Variants in SV2B observed in about 807,000 individuals in gnomAD.
SV2B encodes solute carrier family 22 member B2.
SV2B carries 41 observed loss-of-function variants against 73.9 expected under a neutral mutation model. The ratio of observed to expected loss-of-function variants is 0.56; its 90% CI spans 0.43 to 0.72. The LOEUF (loss-of-function observed/expected upper bound fraction) is 0.72. Ranked by LOEUF, SV2B falls within the 30% of genes least tolerant of loss-of-function variation. The pLI is 0.00. For missense variants in SV2B, 764 were observed against 857.8 expected (o/e 0.89, Z 1.37); for synonymous variants, 314 against 314.2 (o/e 1.00, Z 0.01).
chr15:91,169,752 G>A (rs576770796), intron 1 of SV2B, among the ~76,000 whole-genome samples: 5 of 152,224 alleles, frequency 3.3e-5, no homozygotes, highest in Admixed American at 1.3e-4. Flanking sequence ...AATGGGTAGC[G>A]GCGGAAGGGT....
rs560573062 is a variant in SV2B, at chr15:91,124,248, A to T, written c.-392+23885A>T. Among the ~76,000 whole-genome samples the T allele has an allele frequency of 5.9e-5, 9 of 152,280 alleles. No individual in the cohort carries two copies. The highest frequency in any genetic ancestry group is 2.2e-4 in the African/African-American group (9 of 41,554). On this transcript the variant is annotated intron_variant, in intron 1 of 12. Transcript: ENST00000394232. This position sits in a 1 kb window ranked among gnomAD's most constrained non-coding sequence, Gnocchi z 4.6. ...GTTCATGCTATTTATTCCCTCGGGG[A>T]AGTCACGAATCTGTCATTTGCGATT...
chr15:91,110,397 C>A lies in SV2B; in HGVS notation c.-392+10034C>A, dbSNP rs2042003623. Among the ~76,000 whole-genome samples the A allele has an allele frequency of 6.6e-6, 1 of 152,156 alleles. No individual in the cohort carries two copies. Among genetic ancestry groups the A allele is most frequent in the Admixed American group, 6.5e-5 (1 of 15,272 alleles). ...CCTCTGAAATGGCACAACTAGTTCTCCCAAGCAGGTGAGAGCCTGGTTAGG... is the reference window on the plus strand; with the variant it reads ...CCTCTGAAATGGCACAACTAGTTCTACCAAGCAGGTGAGAGCCTGGTTAGG... On this transcript the variant is annotated intron_variant, in intron 1 of 12. Coordinates refer to ENST00000394232, the MANE Select transcript of SV2B (RefSeq NM_001323032.3). The surrounding 1 kb of genome is among the most constrained non-coding windows in gnomAD (Gnocchi z 5.4).
In SV2B at chr15:91,271,585, C is replaced by A. The variant is rs532050924; in HGVS notation, c.1373+2980C>A. On this transcript the variant is annotated intron_variant, in intron 9 of 12. Coordinates refer to ENST00000394232, the MANE Select transcript of SV2B (RefSeq NM_001323032.3). Reference sequence around the variant, plus strand: ...CATCATATGGTACATGTTTTTTAACCAACAGACACTAAACCTATACCCACT... The same window carrying A: ...CATCATATGGTACATGTTTTTTAACAAACAGACACTAAACCTATACCCACT... Among the ~76,000 whole-genome samples, 12 of 152,078 alleles carry A rather than the reference C, an allele frequency of 7.9e-5. No homozygotes were observed. The East Asian group carries it at 2.3e-3, about 29-fold the overall frequency.
At chr15:91,222,536 A>G (rs7496780) in intron 1 of SV2B, among the ~76,000 whole-genome samples, 50,221 of 152,094 alleles carry the variant, frequency 0.33, 10,150 homozygotes, top group East Asian at 0.58. Flanking sequence ...ATCCCAGGAC[A>G]TGTTTGTTGA....
At chr15:91,218,821 C>G (rs1423855764) in intron 1 of SV2B, among the ~76,000 whole-genome samples, 2 of 152,194 alleles carry the variant, frequency 1.3e-5, no homozygotes, top group African/African-American at 2.4e-5. Flanking sequence ...AAAGGGACCA[C>G]CAGATGTGCT....
At position 91,202,477 on chromosome 15, in the gene SV2B, G is replaced by A. The variant is rs532151110; in HGVS notation, c.-391-23396G>A. On this transcript the variant is annotated intron_variant, in intron 1 of 12. Coordinates refer to ENST00000394232, the MANE Select transcript of SV2B (RefSeq NM_001323032.3). ...TTCACAAGATCTCCTAAGACCACCT[G>A]GGTGTCTTGGGAAAAATGATTGATC... 3.3e-5 allele frequency among the ~76,000 whole-genome samples: 5 copies of A among 152,338 alleles called. No homozygotes were observed. The South Asian group carries it at 1.0e-3, about 32-fold the overall frequency.
chr15:91,194,356 A>G (rs1195059608), intron 1 of SV2B, among the ~76,000 whole-genome samples: 5 of 152,004 alleles, frequency 3.3e-5, no homozygotes, highest in Admixed American at 1.3e-4. Flanking sequence ...TTCCTTTCAG[A>G]TAATGTTAGA....
chr15:91,180,407 G>A (rs1229278026), intron 1 of SV2B, among the ~76,000 whole-genome samples: 3 of 151,632 alleles, frequency 2.0e-5, no homozygotes, highest in African/African-American at 4.9e-5. Context: ...TCTTTGTGGC[G>A]TTCTCTGTAT....
At chr15:91,212,440 C>G (rs919900529) in intron 1 of SV2B, among the ~76,000 whole-genome samples, 1 of 152,180 alleles carries the variant, frequency 6.6e-6, no homozygotes, top group Admixed American at 6.5e-5. Flanking sequence ...GCTAGAGTCA[C>G]TGGCCCCCAT....
At chr15:91,104,532 G>T (rs957363480) in intron 1 of SV2B, among the ~76,000 whole-genome samples, 2 of 152,226 alleles carry the variant, frequency 1.3e-5, no homozygotes, top group African/African-American at 4.8e-5. Context: ...TTGATAGGAG[G>T]AGCTACATAG....
chr15:91,268,048 C>T lies in SV2B; in HGVS notation c.1209-393C>T, dbSNP rs62026602. 0.078 allele frequency among the ~76,000 whole-genome samples: 11,909 copies of T among 152,232 alleles called. 580 individuals are homozygous for T. The highest frequency in any genetic ancestry group is 0.11 in the Non-Finnish European group (7,750 of 67,998). On this transcript the variant is annotated intron_variant, in intron 8 of 12. Transcript: ENST00000394232. This position sits in a 1 kb window ranked among gnomAD's most constrained non-coding sequence, Gnocchi z 4.4. ...GAATTCCTGACCTCAAGTGATCTGC[C>T]TTCCTTGGCCTCCCAAAGTGCTGGG... is the stretch of plus-strand genomic sequence containing the variant.
At chr15:91,216,980 C>T (rs536452224) in intron 1 of SV2B, among the ~76,000 whole-genome samples, 35 of 151,540 alleles carry the variant, frequency 2.3e-4, no homozygotes, top group African/African-American at 7.5e-4. Context: ...CTCTGCCTCC[C>T]AGGTTCAAGT....
Position 91,268,611 on chromosome 15 carries a change from T to C in SV2B, c.1373+6T>C. On this transcript the variant is annotated splice_donor_region_variant and intron_variant, in intron 9 of 12. Coordinates refer to ENST00000394232, the MANE Select transcript of SV2B (RefSeq NM_001323032.3). The surrounding 1 kb of genome is among the most constrained non-coding windows in gnomAD (Gnocchi z 4.4). ...GGGAAACTTGTGAATGATAAGTAAGTGAGTGATCACGGGCTTCCCTCACAT... is the reference window on the plus strand; with the variant it reads ...GGGAAACTTGTGAATGATAAGTAAGCGAGTGATCACGGGCTTCCCTCACAT... The C allele has an allele frequency of 1.2e-6, 2 of 1,608,426 alleles. No homozygotes were observed. Among genetic ancestry groups the C allele is most frequent in the Non-Finnish European group, 1.7e-6 (2 of 1,175,336 alleles).
chr15:91,299,432 T>C lies in SV2B; in HGVS notation c.*6880T>C, dbSNP rs1279417877. On this transcript the variant is annotated 3_prime_UTR_variant, in exon 13 of 13. Coordinates refer to ENST00000394232, the MANE Select transcript of SV2B (RefSeq NM_001323032.3). ...CTAATGGTTTTAAGAAGGATAATTT[T>C]CCAAAACCTAAATGCTACACATTTT... The C allele has an allele frequency of 5.3e-5, 8 of 152,174 alleles. No individual in the cohort carries two copies. Among genetic ancestry groups the C allele is most frequent in the Non-Finnish European group, 4.4e-5 (3 of 68,042 alleles). 9.4% of individuals were successfully genotyped at this position (152,174 alleles called of 1,614,324 possible).
intron 6 of SV2B, among the ~76,000 whole-genome samples, chr15:91,263,821 C>T (rs915857536): frequency 2.0e-5 from 3 of 152,194 alleles, no homozygotes; most frequent in East Asian, 1.9e-4. Flanking sequence ...TTCCTTTCTC[C>T]GTGCCCCTCC....
chr15:91,247,289 G>A (rs78095985), intron 2 of SV2B, among the ~76,000 whole-genome samples: 2,203 of 152,248 alleles, frequency 0.014, 46 homozygotes, highest in African/African-American at 0.051. Context: ...CAGCCTCCTC[G>A]TCTGGTAAAA....
Position 91,124,479 on chromosome 15 carries a change from A to G in SV2B, c.-392+24116A>G, listed in dbSNP as rs1432816518. Among the ~76,000 whole-genome samples the G allele has an allele frequency of 1.3e-5, 2 of 152,282 alleles. No homozygotes were observed. The highest frequency in any genetic ancestry group is 4.8e-5 in the African/African-American group (2 of 41,570). On this transcript the variant is annotated intron_variant, in intron 1 of 12. Coordinates refer to ENST00000394232, the MANE Select transcript of SV2B (RefSeq NM_001323032.3). The surrounding 1 kb of genome is among the most constrained non-coding windows in gnomAD (Gnocchi z 4.6). ...ATGTGCATTCCTTACTTCACAAGAC[A>G]GAATTTCAGGCCTGCAGAGGGATGG...
intron 1 of SV2B, among the ~76,000 whole-genome samples, chr15:91,218,267 A>G (rs919719161): frequency 5.3e-5 from 8 of 152,322 alleles, no homozygotes; most frequent in African/African-American, 1.9e-4. Flanking sequence ...CTGTCTGCTC[A>G]GTTTCATCTC....
intron 1 of SV2B, among the ~76,000 whole-genome samples, chr15:91,133,975 C>T (rs2042734518): frequency 6.7e-6 from 1 of 149,624 alleles, no homozygotes. Context: ...ATAAGGTCCT[C>T]CCATGCCTCT....
Sources: gnomAD v4.1 joint callset for allele counts (sites outside exome capture counted in the v4.1 genomes callset) on GRCh38, gnomAD v4.1.1 for gene constraint, Gnocchi (gnomAD v3.1) non-coding constraint, MANE v1.5 for transcripts, NCBI Gene and HGNC (gene_info 2026-07-23, HGNC 2026-07-21) for gene names.